Variants in RANBP2 observed in about 807,000 individuals in gnomAD.
The protein encoded by RANBP2 is RAN binding protein 2.
A neutral mutation model predicts 303.6 loss-of-function variants in RANBP2; 57 were observed. That is an observed-to-expected ratio of 0.19 (90% confidence interval 0.15 to 0.23). The LOEUF (loss-of-function observed/expected upper bound fraction) is 0.23. Among genes scored for constraint, RANBP2 ranks in the 10% least tolerant of loss-of-function variants. RANBP2 has a pLI of 1.00. For missense variants in RANBP2, 3,138 were observed against 3,780.8 expected, an observed-to-expected ratio of 0.83 and a Z score of 4.46; for synonymous variants, 1,167 against 1,301.5, an observed-to-expected ratio of 0.90 and a Z score of 2.23.
At chr2:108,829,950 C>G in the RANBP2 span, among the ~76,000 whole-genome samples, 1 of 151,996 alleles carries the variant, frequency 6.6e-6, no homozygotes, top group African/African-American at 2.4e-5. Context: ...AAAGCAGAGG[C>G]TTGAACAGAT....
the RANBP2 span, among the ~76,000 whole-genome samples, chr2:109,478,173 C>T: frequency 6.6e-6 from 1 of 152,224 alleles, no homozygotes; most frequent in African/African-American, 2.4e-5. Context: ...GATTCTAGTG[C>T]ATTCTATGAC....
chr2:108,946,491 A>G, the RANBP2 span, among the ~76,000 whole-genome samples: 31 of 152,200 alleles, frequency 2.0e-4, no homozygotes, highest in Non-Finnish European at 4.0e-4. Flanking sequence ...CATATTTTAC[A>G]TACTAAAAAG....
the RANBP2 span, among the ~76,000 whole-genome samples, chr2:109,521,387 G>A: frequency 4.6e-5 from 7 of 152,172 alleles, no homozygotes; most frequent in Non-Finnish European, 1.5e-5. Context: ...AGGCTCCCCA[G>A]GGTGCTGAGA....
the RANBP2 span, among the ~76,000 whole-genome samples, chr2:109,267,470 G>A: frequency 3.9e-5 from 6 of 152,352 alleles, no homozygotes; most frequent in Admixed American, 2.6e-4. Context: ...TTTTCATAAA[G>A]ACAGAGTCAG....
the RANBP2 span, among the ~76,000 whole-genome samples, chr2:109,764,112 T>C: frequency 6.7e-6 from 1 of 149,206 alleles, no homozygotes; most frequent in Non-Finnish European, 1.5e-5. Context: ...CAGCCATACC[T>C]TAAAGTTGAA....
At chr2:108,846,831 T>C in the RANBP2 span, 1 of 1,608,704 alleles carries the variant, frequency 6.2e-7, no homozygotes, top group Non-Finnish European at 8.5e-7. Flanking sequence ...TCCACAGCAT[T>C]CTGTGGAGAA....
At chr2:109,293,994 C>G in the RANBP2 span, among the ~76,000 whole-genome samples, 2 of 152,170 alleles carry the variant, frequency 1.3e-5, no homozygotes, top group Non-Finnish European at 2.9e-5. Flanking sequence ...GGGGGCAGTG[C>G]TTGGCCGAGC....
At chr2:109,618,442 A>G in the RANBP2 span, 27,683 of 167,088 alleles carry the variant, frequency 0.17, 2,663 homozygotes, top group South Asian at 0.23. Flanking sequence ...TCAATATGTC[A>G]TTTACCATGG....
the RANBP2 span, among the ~76,000 whole-genome samples, chr2:109,196,952 C>T: frequency 2.0e-5 from 3 of 152,154 alleles, no homozygotes; most frequent in African/African-American, 4.8e-5. Flanking sequence ...CTACACAGTG[C>T]GCCCCTGTGC....
the RANBP2 span, among the ~76,000 whole-genome samples, chr2:109,620,754 C>A: frequency 7.2e-5 from 11 of 152,074 alleles, no homozygotes; most frequent in African/African-American, 2.7e-4. Context: ...AAGTCCAAGA[C>A]CTGTAGGAGA....
At chr2:109,489,721 C>T in the RANBP2 span, among the ~76,000 whole-genome samples, 2 of 130,986 alleles carry the variant, frequency 1.5e-5, no homozygotes, top group Admixed American at 1.0e-4. Context: ...AAACAAGTGT[C>T]GGACAAGGTT....
At chr2:109,367,119 ATTT>A in the RANBP2 span, among the ~76,000 whole-genome samples, 55 of 113,308 alleles carry the variant, frequency 4.9e-4, no homozygotes, top group East Asian at 1.6e-3. Context: ...TGCCCTGGTA[ATTT>A]TTTTTTTTTT....
chr2:109,058,394 C>T, the RANBP2 span, among the ~76,000 whole-genome samples: 2 of 152,192 alleles, frequency 1.3e-5, no homozygotes, highest in Non-Finnish European at 1.5e-5. Context: ...CTGCCAGGCC[C>T]TGTCACAGCG....
At chr2:109,156,980 C>T in the RANBP2 span, among the ~76,000 whole-genome samples, 6 of 152,164 alleles carry the variant, frequency 3.9e-5, no homozygotes, top group Non-Finnish European at 5.9e-5. Context: ...GTTTTTATTT[C>T]CCTCTGAAAT....
intron 7 of RANBP2, among the ~76,000 whole-genome samples, chr2:108,743,838 TTTA>T (rs1173647372): frequency 1.3e-5 from 2 of 152,234 alleles, no homozygotes; most frequent in African/African-American, 4.8e-5. Context: ...TACTTCAGTC[TTTA>T]TTAACTACCA....
the RANBP2 span, among the ~76,000 whole-genome samples, chr2:109,586,781 G>T: frequency 3.3e-5 from 5 of 152,128 alleles, no homozygotes; most frequent in Admixed American, 6.6e-5. Context: ...AACCCTAGAT[G>T]GGCCACATTT....
the RANBP2 span, among the ~76,000 whole-genome samples, chr2:109,327,026 C>T: frequency 2.6e-5 from 4 of 152,124 alleles, no homozygotes; most frequent in East Asian, 7.7e-4. Flanking sequence ...TGTCTTTTTC[C>T]TTCGTATTTA....
At chr2:108,862,716 A>G in the RANBP2 span, among the ~76,000 whole-genome samples, 4 of 152,198 alleles carry the variant, frequency 2.6e-5, no homozygotes, top group Admixed American at 2.0e-4. Flanking sequence ...TCCCAGAAAA[A>G]TATATCTTTG....
At chr2:109,615,048 G>A in the RANBP2 span, 1 of 1,548,772 alleles carries the variant, frequency 6.5e-7, no homozygotes, top group Non-Finnish European at 8.7e-7. Context: ...CGAGGAGGCG[G>A]ACAGGGGCAG....
Sources: gnomAD v4.1 joint callset for allele counts (sites outside exome capture counted in the v4.1 genomes callset) on GRCh38, gnomAD v4.1.1 for gene constraint, MANE v1.5 for transcripts, NCBI Gene and HGNC (gene_info 2026-07-23, HGNC 2026-07-21) for gene names.